Variants in TRAIP observed in about 807,000 individuals in gnomAD.
The protein encoded by TRAIP is TRAF interacting protein, also known as E3 ubiquitin-protein ligase TRAIP.
A neutral mutation model predicts 65.0 loss-of-function variants in TRAIP; 37 were observed. The ratio of observed to expected loss-of-function variants is 0.57; its 90% CI spans 0.44 to 0.75. TRAIP has a LOEUF of 0.75. Ranked by LOEUF, TRAIP falls within the 30% of genes least tolerant of loss-of-function variation. The pLI, the probability that TRAIP is intolerant of heterozygous loss-of-function variation, is 0.00. For synonymous variants in TRAIP, 187 were observed against 219.1 expected (o/e 0.85, Z 1.29); for missense variants, 481 against 579.4 (o/e 0.83, Z 1.74).
chr3:49,846,462 T>C (rs1370946255), intron 3 of TRAIP, among the ~76,000 whole-genome samples: 3 of 152,118 alleles, frequency 2.0e-5, no homozygotes, highest in African/African-American at 4.8e-5. Flanking sequence ...TGTCACTAAC[T>C]GTCCAAGCAG....
At chr3:49,840,183 C>A in intron 9 of TRAIP, 101 bp downstream of exon 9, 1 of 1,118,776 alleles carries the variant, frequency 8.9e-7, no homozygotes, top group Non-Finnish European at 1.3e-6. Context: ...CCAGAACCAC[C>A]ACTGACTGGT....
rs1401749436 is a variant in TRAIP, at chr3:49,828,794, C to T, written c.*309G>A. 1.5e-5 allele frequency: 5 copies of T among 330,964 alleles called. No homozygotes were observed. The highest frequency in any genetic ancestry group is 3.0e-5 in the Non-Finnish European group (5 of 167,446). The allele number at this position is 330,964 out of a possible 1,614,324, so 20.5% of individuals were successfully genotyped here. ...TCCACAGAGACAGTCAACAAGTGAC[C>T]GTGGTCTCCAGGCCCAGAAAGAGTC... is the stretch of plus-strand genomic sequence containing the variant. On this transcript the variant is annotated 3_prime_UTR_variant, in exon 15 of 15. Coordinates refer to ENST00000331456, the MANE Select transcript of TRAIP (RefSeq NM_005879.3).
At chr3:49,847,744 T>A (rs1559451005) in intron 2 of TRAIP, 136 bp from the exon 3 acceptor site, 3 of 648,610 alleles carry the variant, frequency 4.6e-6, no homozygotes, top group Non-Finnish European at 8.2e-6. Context: ...TCAAAGTACA[T>A]CCTTTAGAGT....
At chr3:49,844,684 T>C in intron 3 of TRAIP, 104 bp from the exon 4 acceptor site, 1 of 1,310,360 alleles carries the variant, frequency 7.6e-7, no homozygotes. Flanking sequence ...CAATGAGGCC[T>C]TCTAGGGCAT....
At chr3:49,832,700 C>CGGGGGGGGGGG (rs77955232) in intron 10 of TRAIP, among the ~76,000 whole-genome samples, 5 of 6,094 alleles carry the variant, frequency 8.2e-4, no homozygotes, top group African/African-American at 1.3e-3. Context: ...TTTTATAACA[C>CGGGGGGGGGGG]GGGGGGGGGG....
At chr3:49,847,993 A>T in intron 2 of TRAIP, 150 bp downstream of exon 2, 1 of 823,806 alleles carries the variant, frequency 1.2e-6, no homozygotes, top group African/African-American at 1.7e-5. Context: ...CCTCCCAAAC[A>T]CTCAAGGGCA....
At chr3:49,833,037 C>G (rs2081749882) in intron 10 of TRAIP, among the ~76,000 whole-genome samples, 1 of 152,154 alleles carries the variant, frequency 6.6e-6, no homozygotes, top group South Asian at 2.1e-4. Context: ...ACCTCTGTCC[C>G]CGCCTGCAAG....
intron 4 of TRAIP, 82 bp from the exon 5 acceptor site, chr3:49,844,010 C>T: frequency 6.6e-7 from 1 of 1,519,486 alleles, no homozygotes; most frequent in Admixed American, 1.9e-5. Context: ...GGATTCAGTG[C>T]CTCATCCCTT....
chr3:49,848,914 T>C (rs1161518462), intron 1 of TRAIP, among the ~76,000 whole-genome samples: 1 of 152,034 alleles, frequency 6.6e-6, no homozygotes, highest in East Asian at 1.9e-4. Flanking sequence ...TGGCACGATC[T>C]TGGTTCACTG....
Position 49,830,267 on chromosome 3 carries a change from G to A in TRAIP, c.1038-199C>T, listed in dbSNP as rs1559444562. 3.3e-5 allele frequency among the ~76,000 whole-genome samples: 5 copies of A among 152,212 alleles called. No homozygotes were observed. In the South Asian group the frequency reaches 1.0e-3, roughly 32 times the overall value. ...GACAGCCACAGCCAGTAGGGTGGCA[G>A]AGACAGGGATGACTGGGGATGACTG... is the stretch of plus-strand genomic sequence containing the variant. On this transcript the variant is annotated intron_variant, in intron 11 of 14. Coordinates refer to ENST00000331456, the MANE Select transcript of TRAIP (RefSeq NM_005879.3).
At chr3:49,829,594 C>A (rs749921367) in intron 13 of TRAIP, 23 bp downstream of exon 13, 5 of 1,614,052 alleles carry the variant, frequency 3.1e-6, no homozygotes, top group Non-Finnish European at 4.2e-6. Flanking sequence ...CTGGCTCCTG[C>A]CACTGTGGGA....
At position 49,829,500 on chromosome 3, in the gene TRAIP, T is replaced by C. The variant is rs1256063957; in HGVS notation, c.1245A>G (p.Thr415=). Residue 415 remains threonine, a synonymous_variant, in exon 14 of 15, where the codon ACA becomes ACG. Transcript: ENST00000331456. The stretch of plus-strand genomic sequence containing the variant: ...TCCGGCCACCGAGCCCATCGAAGCC[T>C]GTCCTTACCTAGGGTGGAAGGAAGA... The part of the protein sequence containing the change: ...ESSCSKDVVR[T]GFDGLGGRTK... 3 of 1,614,012 alleles carry C rather than the reference T, an allele frequency of 1.9e-6. No homozygotes were observed. Among genetic ancestry groups the C allele is most frequent in the Admixed American group, 1.7e-5 (1 of 60,008 alleles).
rs2081828446 is a variant in TRAIP at position 49,840,369 on chromosome 3, T to C, written c.710A>G (p.Gln237Arg). 1 of 1,613,864 alleles carries C rather than the reference T, an allele frequency of 6.2e-7. No individual in the cohort carries two copies. Among genetic ancestry groups the C allele is most frequent in the Non-Finnish European group, 8.5e-7 (1 of 1,179,838 alleles). ...CTGATCCAATTCAGAGTAGACTGTC[T>C]GCAACTATAAGAAAGTGTAGGGAAT... Reference protein sequence around the residue: ...KDLFSSRSKLQTVYSELDQAK... With the variant: ...KDLFSSRSKLRTVYSELDQAK... Residue 237 changes from glutamine (Q) to arginine (R), a missense_variant, in exon 9 of 15, where the codon CAG (glutamine) becomes CGG (arginine). Transcript: ENST00000331456.
chr3:49,832,469 G>A (rs567374591), intron 10 of TRAIP, among the ~76,000 whole-genome samples: 11 of 137,782 alleles, frequency 8.0e-5, no homozygotes, highest in African/African-American at 3.1e-4. Context: ...CAGCCTGGGC[G>A]ACAGAGCAAG....
At chr3:49,840,700 G>A in intron 8 of TRAIP, 1 of 574,540 alleles carries the variant, frequency 1.7e-6, no homozygotes, top group East Asian at 2.9e-5. Context: ...TTTGAGGCCT[G>A]TGCTCTCCAG....
intron 11 of TRAIP, 22 bp downstream of exon 11, chr3:49,831,894 A>G: frequency 6.5e-7 from 1 of 1,527,434 alleles, no homozygotes; most frequent in Non-Finnish European, 8.8e-7. Context: ...GCCCATGGAC[A>G]GTGCCAGCGA....
chr3:49,840,489 C>G, intron 8 of TRAIP, 116 bp from the exon 9 acceptor site: 1 of 795,478 alleles, frequency 1.3e-6, no homozygotes, highest in Non-Finnish European at 2.1e-6. Context: ...GAGATATGGG[C>G]AGAGATCCCA....
At chr3:49,845,445 G>T (rs1436773438) in intron 3 of TRAIP, among the ~76,000 whole-genome samples, 4 of 152,226 alleles carry the variant, frequency 2.6e-5, no homozygotes, top group Non-Finnish European at 4.4e-5. Flanking sequence ...ATCAACAGAA[G>T]ACTCAGAATT....
Position 49,832,021 on chromosome 3 carries a change from C to A in TRAIP, c.932G>T (p.Arg311Leu). The stretch of plus-strand genomic sequence containing the variant: ...GGTAGCATTGAGATCAATATCATCA[C>A]GGAAGGATGGCCGGCGGAGCTTCAG... ...VNLKLRRPSF[R>L]DDIDLNATFD... is the part of the protein sequence containing the mutation. The change falls in exon 11 of 15, where the codon CGT becomes CTT. Residue 311 changes from arginine (R) to leucine (L), a missense_variant. Coordinates refer to ENST00000331456, the MANE Select transcript of TRAIP (RefSeq NM_005879.3). 2.5e-6 allele frequency: 4 copies of A among 1,606,158 alleles called. No homozygotes were observed. The Middle Eastern group carries it at 5.0e-4, about 200-fold the overall frequency.
Sources: gnomAD v4.1 joint callset for allele counts (sites outside exome capture counted in the v4.1 genomes callset) on GRCh38, gnomAD v4.1.1 for gene constraint, MANE v1.5 for transcripts, NCBI Gene and HGNC (gene_info 2026-07-23, HGNC 2026-07-21) for gene names.